Variants in IMMP2L observed in about 807,000 individuals in gnomAD.
IMMP2L encodes the protein inner mitochondrial membrane peptidase subunit 2.
In IMMP2L, 18 loss-of-function variants were observed where a neutral mutation model predicts 19.3. The observed-to-expected ratio is 0.93, with a 90% confidence interval of 0.64 to 1.38. IMMP2L has a LOEUF of 1.38. IMMP2L is among the 40% of genes most tolerant of loss of function. IMMP2L has a pLI of 0.00. For synonymous variants in IMMP2L, 76 were observed against 73.0 expected (o/e 1.04, Z -0.21); for missense variants, 233 against 218.2 (o/e 1.07, Z -0.43).
At chr7:111,279,296 A>C (rs1727219541) in intron 3 of IMMP2L, among the ~76,000 whole-genome samples, 1 of 152,170 alleles carries the variant, frequency 6.6e-6, no homozygotes, top group African/African-American at 2.4e-5. Flanking sequence ...GAACCCCCAA[A>C]ATGATATGCC....
intron 3 of IMMP2L, among the ~76,000 whole-genome samples, chr7:111,260,314 G>C (rs1817182028): frequency 1.3e-5 from 2 of 152,150 alleles, no homozygotes; most frequent in South Asian, 4.1e-4. Context: ...CTAGGCAATA[G>C]GAATATTTCA....
At chr7:110,795,819 G>T (rs1193115155) in intron 5 of IMMP2L, among the ~76,000 whole-genome samples, 3 of 152,170 alleles carry the variant, frequency 2.0e-5, no homozygotes, top group African/African-American at 7.2e-5. Context: ...TACAGAGAAG[G>T]AGAAAGCAAC....
chr7:111,283,970 C>CAAAAAA (rs972346409), intron 3 of IMMP2L, among the ~76,000 whole-genome samples: 48 of 48,588 alleles, frequency 9.9e-4, no homozygotes, highest in Non-Finnish European at 1.6e-3. Context: ...GACTCCGTCT[C>CAAAAAA]AAAAAAAAAA....
chr7:111,499,234 A>C (rs1387132143), intron 2 of IMMP2L, among the ~76,000 whole-genome samples: 1 of 152,170 alleles, frequency 6.6e-6, no homozygotes, highest in East Asian at 1.9e-4. Flanking sequence ...CATAAGGCCA[A>C]GTCAAGAATC....
intron 1 of IMMP2L, among the ~76,000 whole-genome samples, chr7:111,523,044 G>A (rs114714474): frequency 0.016 from 2,404 of 151,414 alleles, 62 homozygotes; most frequent in African/African-American, 0.055. Flanking sequence ...AATATTGCAC[G>A]ACCACTCATA....
intron 3 of IMMP2L, among the ~76,000 whole-genome samples, chr7:111,374,224 C>T (rs1830489328): frequency 6.6e-6 from 1 of 152,046 alleles, no homozygotes; most frequent in South Asian, 2.1e-4. Flanking sequence ...AATTGGTAAC[C>T]TGCTGACAAT....
At chr7:110,701,177 C>A (rs1794261783) in intron 5 of IMMP2L, among the ~76,000 whole-genome samples, 1 of 152,098 alleles carries the variant, frequency 6.6e-6, no homozygotes, top group African/African-American at 2.4e-5. Context: ...AAATATTATT[C>A]ACCCTAACCT....
intron 3 of IMMP2L, among the ~76,000 whole-genome samples, chr7:111,335,041 A>G (rs1826257025): frequency 6.6e-6 from 1 of 152,106 alleles, no homozygotes; most frequent in South Asian, 2.1e-4. Context: ...AGCAGTTTAT[A>G]GGCCAAGTCC....
chr7:110,921,852 T>G (rs940213016), intron 4 of IMMP2L, among the ~76,000 whole-genome samples: 2 of 152,206 alleles, frequency 1.3e-5, no homozygotes, highest in East Asian at 3.8e-4. Flanking sequence ...AAGTTAACAG[T>G]AGACTACTCC....
At chr7:110,773,671 TA>T (rs1221839542) in intron 5 of IMMP2L, among the ~76,000 whole-genome samples, 6 of 152,132 alleles carry the variant, frequency 3.9e-5, no homozygotes, top group African/African-American at 9.6e-5. Context: ...TTAAGCCACT[TA>T]ACCTGTTGTT....
chr7:110,877,052 G>A lies in IMMP2L; in HGVS notation c.408+9541C>T, dbSNP rs1278470542. ...GATTTGTGGGATATAAGTCTCTCTT[G>A]CAAGTACTTAACTCAGCCGTTACAG... On this transcript the variant is annotated intron_variant, in intron 5 of 5. Coordinates refer to ENST00000405709, the MANE Select transcript of IMMP2L (RefSeq NM_032549.4). The surrounding 1 kb of genome is among the most constrained non-coding windows in gnomAD (Gnocchi z 4.0). 6.6e-6 allele frequency among the ~76,000 whole-genome samples: 1 copy of A among 152,128 alleles called. No homozygotes were observed. The highest frequency in any genetic ancestry group is 1.5e-5 in the Non-Finnish European group (1 of 68,026).
chr7:111,421,267 C>CTTTTTTTTTTTT (rs1227013257), intron 3 of IMMP2L, among the ~76,000 whole-genome samples: 2 of 122,916 alleles, frequency 1.6e-5, no homozygotes, highest in Non-Finnish European at 1.7e-5. Flanking sequence ...TTGTTTTTTT[C>CTTTTTTTTTTTT]TTTTTTTTTT....
chr7:110,778,957 C>T (rs1470954349), intron 5 of IMMP2L, among the ~76,000 whole-genome samples: 1 of 151,866 alleles, frequency 6.6e-6, no homozygotes, highest in African/African-American at 2.4e-5. Context: ...AAGTGGTGCT[C>T]AGTGTTATAC....
chr7:111,431,614 A>G (rs1195375761), intron 3 of IMMP2L, among the ~76,000 whole-genome samples: 2 of 151,866 alleles, frequency 1.3e-5, no homozygotes, highest in East Asian at 3.8e-4. Context: ...AAAACAAAAA[A>G]GAGGGTGGTT....
Position 111,186,548 on chromosome 7 carries a change from C to A in IMMP2L, c.240-222983G>T, listed in dbSNP as rs1808285368. On this transcript the variant is annotated intron_variant, in intron 3 of 5. Transcript: ENST00000405709. ...GGTTCCAGCGATTCTCCTGCTTCAG[C>A]CTCCTGAGTAGCTGGGATTACAGGC... Among the ~76,000 whole-genome samples the A allele has an allele frequency of 1.3e-5, 2 of 152,082 alleles. 1 individual carries two copies. Among genetic ancestry groups the A allele is most frequent in the South Asian group, 4.1e-4 (2 of 4,830 alleles).
Position 111,340,311 on chromosome 7 carries a change from C to T in IMMP2L, c.239+146927G>A, listed in dbSNP as rs148340640. 5.1e-4 allele frequency among the ~76,000 whole-genome samples: 77 copies of T among 152,048 alleles called. No individual in the cohort carries two copies. In the Middle Eastern group the frequency reaches 0.017, roughly 34 times the overall value. ...AAGAGATGACAGCCTGATAATACAT[C>T]CATTCAACTTTTTCCTATGTCAAAG... On this transcript the variant is annotated intron_variant, in intron 3 of 5. Transcript: ENST00000405709.
chr7:111,394,803 T>C (rs1832711094), intron 3 of IMMP2L: 1 of 212,462 alleles, frequency 4.7e-6, no homozygotes, highest in South Asian at 8.8e-5. Flanking sequence ...CATCCTTTTT[T>C]TGTACTTATT....
At chr7:111,012,716 C>G (rs1825099294) in intron 3 of IMMP2L, among the ~76,000 whole-genome samples, 1 of 152,062 alleles carries the variant, frequency 6.6e-6, no homozygotes, top group South Asian at 2.1e-4. Flanking sequence ...GATCACAGAA[C>G]AGAAATTTCA....
chr7:110,797,805 A>G (rs1348616939), intron 5 of IMMP2L, among the ~76,000 whole-genome samples: 1 of 152,074 alleles, frequency 6.6e-6, no homozygotes, highest in East Asian at 1.9e-4. Flanking sequence ...CTGCTAACAG[A>G]AAGAAAACAC....
Sources: gnomAD v4.1 joint callset for allele counts (sites outside exome capture counted in the v4.1 genomes callset) on GRCh38, gnomAD v4.1.1 for gene constraint, Gnocchi (gnomAD v3.1) non-coding constraint, MANE v1.5 for transcripts, NCBI Gene and HGNC (gene_info 2026-07-23, HGNC 2026-07-21) for gene names.